CSMD1: variants seen among roughly 807,000 people sequenced by gnomAD.
The protein encoded by CSMD1 is CUB and sushi domain-containing protein 1.
A neutral mutation model predicts 417.5 loss-of-function variants in CSMD1; 213 were observed. The observed-to-expected ratio is 0.51, with a 90% CI of 0.46 to 0.57. The LOEUF is 0.57. Among genes scored for constraint, CSMD1 ranks in the 20% least tolerant of loss-of-function variants. The pLI, the probability that CSMD1 is intolerant of heterozygous loss-of-function variation, is 0.00. For missense variants in CSMD1, 6,923 were observed against 4,529.7 expected (o/e 1.53, Z -15.17); for synonymous variants, 2,862 against 1,736.8 (o/e 1.65, Z -16.11).
intron 10 of CSMD1, among the ~76,000 whole-genome samples, chr8:3,560,525 G>A (rs1188525772): frequency 2.0e-5 from 3 of 152,144 alleles, no homozygotes; most frequent in African/African-American, 4.8e-5. Flanking sequence ...TTGAAAGCAT[G>A]TATTTGAGAA....
At chr8:4,915,842 G>C (rs1446778695) in intron 1 of CSMD1, among the ~76,000 whole-genome samples, 1 of 152,174 alleles carries the variant, frequency 6.6e-6, no homozygotes, top group Non-Finnish European at 1.5e-5. Flanking sequence ...TGTCACAATG[G>C]CATCCTGCCT....
intron 3 of CSMD1, among the ~76,000 whole-genome samples, chr8:4,143,672 G>A (rs760498744): frequency 3.3e-5 from 5 of 150,884 alleles, no homozygotes; most frequent in African/African-American, 1.2e-4. Flanking sequence ...CCAGGTTCTT[G>A]GCATTTAGAA....
At chr8:4,889,006 T>C (rs545877478) in intron 1 of CSMD1, among the ~76,000 whole-genome samples, 131 of 152,110 alleles carry the variant, frequency 8.6e-4, no homozygotes, top group Middle Eastern at 3.4e-3. Flanking sequence ...AATAGAAAAA[T>C]CACCATTTGG....
At chr8:3,305,310 CTTGA>C (rs1415896289) in intron 25 of CSMD1, among the ~76,000 whole-genome samples, 29 of 152,114 alleles carry the variant, frequency 1.9e-4, no homozygotes, top group Admixed American at 5.9e-4. Context: ...AATCATTTAT[CTTGA>C]TTAATTTTAA....
At chr8:4,071,994 C>T (rs994039126) in intron 3 of CSMD1, among the ~76,000 whole-genome samples, 2 of 152,136 alleles carry the variant, frequency 1.3e-5, no homozygotes, top group African/African-American at 4.8e-5. Context: ...ATTCCTCCCT[C>T]ATTTTCTGGT....
At chr8:3,090,188 G>T (rs1345243130) in intron 48 of CSMD1, among the ~76,000 whole-genome samples, 1 of 151,766 alleles carries the variant, frequency 6.6e-6, no homozygotes, top group Non-Finnish European at 1.5e-5. Context: ...GCGGTGGCGG[G>T]CGCCTGTAGT....
intron 7 of CSMD1, among the ~76,000 whole-genome samples, chr8:3,687,622 C>G (rs577919944): frequency 6.6e-6 from 1 of 152,142 alleles, no homozygotes; most frequent in Non-Finnish European, 1.5e-5. Flanking sequence ...CAGTGGGTTC[C>G]GAGCACTGTG....
chr8:3,659,831 C>T (rs1164523715), intron 7 of CSMD1, among the ~76,000 whole-genome samples: 1 of 152,094 alleles, frequency 6.6e-6, no homozygotes, highest in African/African-American at 2.4e-5. Flanking sequence ...AAATGACATT[C>T]CCAAATAGAC....
At chr8:3,958,725 G>T (rs936315496) in intron 5 of CSMD1, among the ~76,000 whole-genome samples, 2 of 152,114 alleles carry the variant, frequency 1.3e-5, no homozygotes, top group Non-Finnish European at 2.9e-5. Context: ...AGGCTTTTGT[G>T]GTTTAAATAC....
intron 11 of CSMD1, among the ~76,000 whole-genome samples, chr8:3,492,158 T>A (rs73174901): frequency 1.3e-5 from 2 of 151,958 alleles, no homozygotes. Flanking sequence ...CTGAAACGGG[T>A]GGGCGTGGGT....
At chr8:4,947,648 C>G (rs1213488297) in intron 1 of CSMD1, among the ~76,000 whole-genome samples, 1 of 151,994 alleles carries the variant, frequency 6.6e-6, no homozygotes, top group Non-Finnish European at 1.5e-5. Context: ...GACAGATAAC[C>G]ACTTACATTT....
At chr8:4,803,264 T>A (rs547149137) in intron 1 of CSMD1, among the ~76,000 whole-genome samples, 2 of 152,200 alleles carry the variant, frequency 1.3e-5, no homozygotes. Flanking sequence ...TACTGAGAAA[T>A]GTTATCCAAA....
chr8:3,373,762 G>C (rs184709915), intron 18 of CSMD1: 16 of 152,226 alleles, frequency 1.1e-4, no homozygotes, highest in African/African-American at 2.6e-4. Flanking sequence ...TACTGTTGCT[G>C]TCCTTAATGC....
At chr8:3,951,937 T>C (rs1030628280) in intron 5 of CSMD1, among the ~76,000 whole-genome samples, 2 of 151,956 alleles carry the variant, frequency 1.3e-5, no homozygotes, top group African/African-American at 4.8e-5. Context: ...AAAAAATAGA[T>C]ATCGAATACA....
intron 3 of CSMD1, among the ~76,000 whole-genome samples, chr8:4,381,701 C>T (rs774082237): frequency 6.6e-6 from 1 of 152,164 alleles, no homozygotes; most frequent in African/African-American, 2.4e-5. Context: ...GCGTCAACAT[C>T]TCCAAAGTTC....
chr8:3,475,008 G>A (rs374567259), intron 11 of CSMD1, among the ~76,000 whole-genome samples: 9 of 152,202 alleles, frequency 5.9e-5, no homozygotes, highest in Non-Finnish European at 7.4e-5. Context: ...TCTCCCAGGC[G>A]TGTTCAGCTC....
chr8:4,423,696 G>C (rs757247961), intron 2 of CSMD1, among the ~76,000 whole-genome samples: 2 of 151,564 alleles, frequency 1.3e-5, no homozygotes, highest in Non-Finnish European at 2.9e-5. Flanking sequence ...TGGGTATATA[G>C]CAAGATCTTT....
intron 3 of CSMD1, among the ~76,000 whole-genome samples, chr8:4,329,806 A>C (rs1412971410): frequency 6.6e-6 from 1 of 151,716 alleles, no homozygotes; most frequent in African/African-American, 2.4e-5. Context: ...CCAAGTTCTC[A>C]TGAGATGTGG....
At chr8:3,914,585 A>T (rs1223718075) in intron 5 of CSMD1, among the ~76,000 whole-genome samples, 2 of 152,208 alleles carry the variant, frequency 1.3e-5, no homozygotes, top group Non-Finnish European at 2.9e-5. Context: ...TTAAAATAAA[A>T]TAAATTAAGA....
Sources: allele counts gnomAD v4.1 joint callset (sites outside exome capture counted in the v4.1 genomes callset), GRCh38; gene constraint gnomAD v4.1.1; transcripts MANE v1.5; gene names NCBI Gene and HGNC (gene_info 2026-07-23, HGNC 2026-07-21).